Variants in NTM observed in about 807,000 individuals in gnomAD.
NTM encodes the protein IgLON family member 2.
In NTM, 13 loss-of-function variants were observed where a neutral mutation model predicts 42.1. The ratio of observed to expected loss-of-function variants is 0.31; its 90% CI spans 0.20 to 0.49. The LOEUF is 0.49. Ranked by LOEUF, NTM falls within the 20% of genes least tolerant of loss-of-function variation. The pLI is 0.99. For missense variants in NTM, 373 were observed against 452.8 expected, an observed-to-expected ratio of 0.82 and a Z score of 1.60; for synonymous variants, 187 against 179.2, an observed-to-expected ratio of 1.04 and a Z score of -0.35.
rs561730645 is a variant in NTM at position 131,728,104 on chromosome 11, A to G, written c.83-183460A>G. Among the ~76,000 whole-genome samples the G allele has an allele frequency of 1.5e-4, 23 of 152,114 alleles. No homozygotes were observed. In the East Asian group the frequency reaches 4.3e-3, roughly 28 times the overall value. On this transcript the variant is annotated intron_variant, in intron 1 of 8. Transcript: ENST00000683400. ...TAGTATAGTGGAATGTAAAGACGTG[A>G]GTGGAAAAAACCAACAAGCAAGCAA...
At chr11:132,153,395 A>C (rs2072425684) in intron 3 of NTM, among the ~76,000 whole-genome samples, 1 of 152,188 alleles carries the variant, frequency 6.6e-6, no homozygotes, top group African/African-American at 2.4e-5. Context: ...CTTCTTAATT[A>C]AGGGTTGGAT....
chr11:131,779,062 T>C (rs954130546), intron 1 of NTM, among the ~76,000 whole-genome samples: 1 of 152,198 alleles, frequency 6.6e-6, no homozygotes, highest in Non-Finnish European at 1.5e-5. Flanking sequence ...GGACTGCCGA[T>C]GGGGGCTACG....
intron 1 of NTM, among the ~76,000 whole-genome samples, chr11:131,897,415 A>G (rs2052478648): frequency 6.6e-6 from 1 of 152,228 alleles, no homozygotes; most frequent in South Asian, 2.1e-4. Context: ...CTGTGCAAAT[A>G]TTGTTGCAGT....
intron 1 of NTM, among the ~76,000 whole-genome samples, chr11:131,747,648 G>T (rs2081983175): frequency 1.3e-5 from 2 of 152,206 alleles, no homozygotes; most frequent in South Asian, 4.1e-4. Flanking sequence ...ACCATAGGAT[G>T]ATCTCAAGCT....
chr11:131,790,306 T>C (rs1043130067), intron 1 of NTM, among the ~76,000 whole-genome samples: 6 of 152,168 alleles, frequency 3.9e-5, no homozygotes, highest in Admixed American at 2.6e-4. Context: ...GAAAAACACA[T>C]GCCATTTTGC....
At chr11:131,882,136 G>A in intron 1 of NTM, among the ~76,000 whole-genome samples, 1 of 152,306 alleles carries the variant, frequency 6.6e-6, no homozygotes, top group East Asian at 1.9e-4. Context: ...GAATTATCTA[G>A]AGAATCAGAG....
intron 4 of NTM, among the ~76,000 whole-genome samples, chr11:132,252,142 A>C (rs3099799): frequency 0.48 from 72,576 of 151,556 alleles, 17,710 homozygotes; most frequent in African/African-American, 0.55. Context: ...CTGGCCGCTC[A>C]GCGTCAGTTC....
At chr11:131,756,773 G>A (rs765748778) in intron 1 of NTM, among the ~76,000 whole-genome samples, 42 of 152,106 alleles carry the variant, frequency 2.8e-4, no homozygotes, top group Non-Finnish European at 5.4e-4. Context: ...GAGAGAAAAC[G>A]GGCTAGTCAT....
chr11:131,897,943 C>A (rs918395998), intron 1 of NTM, among the ~76,000 whole-genome samples: 23 of 152,180 alleles, frequency 1.5e-4, no homozygotes, highest in Non-Finnish European at 2.9e-5. Context: ...CCTGTTAATG[C>A]TTAAAGATGA....
chr11:132,247,027 T>A (rs2091277908), intron 4 of NTM, among the ~76,000 whole-genome samples: 2 of 152,180 alleles, frequency 1.3e-5, no homozygotes, highest in African/African-American at 4.8e-5. Flanking sequence ...CCAAACCTGG[T>A]GCCCACCCTC....
At chr11:131,574,318 AG>A (rs1439236374) in intron 1 of NTM, among the ~76,000 whole-genome samples, 1 of 152,216 alleles carries the variant, frequency 6.6e-6, no homozygotes, top group Non-Finnish European at 1.5e-5. Flanking sequence ...AGTGTCCACA[AG>A]CCCCCATTCT....
At chr11:131,401,825 T>C (rs1300444108) in intron 1 of NTM, among the ~76,000 whole-genome samples, 1 of 68,890 alleles carries the variant, frequency 1.5e-5, no homozygotes, top group African/African-American at 5.5e-5. Flanking sequence ...TATATATATA[T>C]ATATATATAT....
rs114016370 is a variant in NTM at position 131,394,802 on chromosome 11, A to G, written c.82+23914A>G. ...ATCAGGCCTGTGTGCATACTTAATC[A>G]TGGATAAGTTGGTCAATTCACTCCT... is the stretch of plus-strand genomic sequence containing the variant. On this transcript the variant is annotated intron_variant, in intron 1 of 8. Coordinates refer to ENST00000683400, the MANE Select transcript of NTM (RefSeq NM_001352005.2). 6.9e-3 allele frequency among the ~76,000 whole-genome samples: 1,044 copies of G among 152,228 alleles called. 10 individuals are homozygous for G. Among genetic ancestry groups the G allele is most frequent in the African/African-American group, 0.024 (1,000 of 41,524 alleles).
At chr11:131,825,217 A>C (rs1354309781) in intron 1 of NTM, among the ~76,000 whole-genome samples, 1 of 152,160 alleles carries the variant, frequency 6.6e-6, no homozygotes, top group Non-Finnish European at 1.5e-5. Flanking sequence ...ATCTGTGCCC[A>C]AATCTCCCCT....
intron 1 of NTM, among the ~76,000 whole-genome samples, chr11:131,573,292 C>A (rs1280553463): frequency 4.2e-5 from 6 of 142,612 alleles, no homozygotes; most frequent in African/African-American, 1.8e-4. Flanking sequence ...CATTGTGTCC[C>A]TAAGCCACAG....
Position 131,644,800 on chromosome 11 carries a change from AGTTTTGTTTT to A in NTM, c.83-266748_83-266739del, listed in dbSNP as rs113773961. 3.2e-3 allele frequency among the ~76,000 whole-genome samples: 486 copies of A among 151,662 alleles called. 9 individuals are homozygous for A. The highest frequency in any genetic ancestry group is 0.027 in the Admixed American group (416 of 15,238). On this transcript the variant is annotated intron_variant, in intron 1 of 8. Coordinates refer to ENST00000683400, the MANE Select transcript of NTM (RefSeq NM_001352005.2). ...GCCAATTTGGGTAAGAAGGGAATTTAGTTTTGTTTTGTTTTGTTTTGTTTTCCTAAAAAAA... is the reference window on the plus strand; with the variant it reads ...GCCAATTTGGGTAAGAAGGGAATTTAGTTTTGTTTTGTTTTCCTAAAAAAA...
At chr11:131,662,314 A>G (rs556730086) in intron 1 of NTM, 43 of 152,318 alleles carry the variant, frequency 2.8e-4, no homozygotes, top group African/African-American at 9.6e-4. Flanking sequence ...TCATGATGCC[A>G]TGTCCCCGTC....
chr11:131,807,551 T>G (rs972607218), intron 1 of NTM, among the ~76,000 whole-genome samples: 1 of 152,218 alleles, frequency 6.6e-6, no homozygotes, highest in Non-Finnish European at 1.5e-5. Context: ...GGTTTCATCA[T>G]CAGCACAATA....
chr11:131,764,484 G>A (rs541727400), intron 1 of NTM, among the ~76,000 whole-genome samples: 22 of 152,264 alleles, frequency 1.4e-4, no homozygotes, highest in Middle Eastern at 3.4e-3. Context: ...TGTTGGATGA[G>A]CCGTTATGGT....
Sources: gnomAD v4.1 joint callset for allele counts (sites outside exome capture counted in the v4.1 genomes callset) on GRCh38, gnomAD v4.1.1 for gene constraint, MANE v1.5 for transcripts, NCBI Gene and HGNC (gene_info 2026-07-23, HGNC 2026-07-21) for gene names.